The following CSMD3 variants were observed in gnomAD, a reference collection of about 807,000 sequenced individuals.
CSMD3 encodes CUB and Sushi multiple domains 3.
CSMD3 carries 177 observed loss-of-function variants against 435.2 expected under a neutral mutation model. The observed-to-expected ratio is 0.41, with a 90% CI of 0.36 to 0.46. The LOEUF is 0.46. Ranked by LOEUF, CSMD3 falls within the 20% of genes least tolerant of loss-of-function variation. CSMD3 has a pLI of 0.34. For synonymous variants in CSMD3, 1,656 were observed against 1,520.5 expected, an observed-to-expected ratio of 1.09 and a Z score of -2.07; for missense variants, 4,265 against 4,504.6, an observed-to-expected ratio of 0.95 and a Z score of 1.52.
At chr8:113,325,513 A>G (rs750547494) in intron 1 of CSMD3, among the ~76,000 whole-genome samples, 3 of 152,078 alleles carry the variant, frequency 2.0e-5, no homozygotes, top group Non-Finnish European at 4.4e-5. Context: ...AGCCATGTGA[A>G]ACTGTAGTTC....
intron 28 of CSMD3, among the ~76,000 whole-genome samples, chr8:112,513,568 A>G (rs919415439): frequency 1.3e-5 from 2 of 152,166 alleles, no homozygotes; most frequent in Non-Finnish European, 2.9e-5. Flanking sequence ...TAGCAATGAA[A>G]AAGTTTGAAA....
At chr8:112,916,919 G>GT (rs1307907433) in intron 10 of CSMD3, among the ~76,000 whole-genome samples, 3 of 151,970 alleles carry the variant, frequency 2.0e-5, no homozygotes, top group African/African-American at 7.2e-5. Flanking sequence ...GAGGGAATTT[G>GT]TAACATATGT....
At chr8:112,479,103 A>G (rs1205067262) in intron 31 of CSMD3, among the ~76,000 whole-genome samples, 1 of 152,184 alleles carries the variant, frequency 6.6e-6, no homozygotes, top group Non-Finnish European at 1.5e-5. Context: ...GGGAACTACC[A>G]ACTGCGAGTA....
intron 67 of CSMD3, among the ~76,000 whole-genome samples, chr8:112,235,595 T>C (rs1435803627): frequency 6.6e-6 from 1 of 152,018 alleles, no homozygotes; most frequent in Non-Finnish European, 1.5e-5. Flanking sequence ...AAAAATTGTT[T>C]AGGGAAATAA....
At chr8:112,454,352 A>T (rs186067516) in intron 32 of CSMD3, among the ~76,000 whole-genome samples, 123 of 152,252 alleles carry the variant, frequency 8.1e-4, no homozygotes, top group Non-Finnish European at 1.6e-3. Context: ...AAAAATATTC[A>T]CAAACCGTGC....
At chr8:113,061,420 G>C (rs1564268056) in intron 5 of CSMD3, among the ~76,000 whole-genome samples, 1 of 152,028 alleles carries the variant, frequency 6.6e-6, no homozygotes, top group African/African-American at 2.4e-5. Flanking sequence ...AGGAAGTTAA[G>C]CTCCTATGAG....
chr8:113,249,891 A>G (rs2093318639), intron 3 of CSMD3, among the ~76,000 whole-genome samples: 1 of 152,072 alleles, frequency 6.6e-6, no homozygotes, highest in Non-Finnish European at 1.5e-5. Context: ...TGGACTGATG[A>G]CCAACTGGGG....
At chr8:112,688,068 C>G (rs2076050883) in intron 14 of CSMD3, among the ~76,000 whole-genome samples, 1 of 152,068 alleles carries the variant, frequency 6.6e-6, no homozygotes, top group Non-Finnish European at 1.5e-5. Flanking sequence ...TTTAATTCTG[C>G]AATTGTAGCT....
At chr8:112,313,668 C>T (rs1262314083) in intron 49 of CSMD3, among the ~76,000 whole-genome samples, 1 of 151,756 alleles carries the variant, frequency 6.6e-6, no homozygotes, top group Non-Finnish European at 1.5e-5. Context: ...TTATAACTGA[C>T]ATATAAGTCA....
chr8:112,339,924 T>C (rs1468903967), intron 42 of CSMD3, among the ~76,000 whole-genome samples: 1 of 152,196 alleles, frequency 6.6e-6, no homozygotes, highest in East Asian at 1.9e-4. Context: ...CTCCTGTTAA[T>C]AATACGTCAG....
chr8:112,873,437 TTG>T (rs1465208038), intron 10 of CSMD3, among the ~76,000 whole-genome samples: 1 of 152,040 alleles, frequency 6.6e-6, no homozygotes, highest in Non-Finnish European at 1.5e-5. Flanking sequence ...ATCAGAAATA[TTG>T]TCTTTTATTT....
intron 32 of CSMD3, among the ~76,000 whole-genome samples, chr8:112,425,621 T>C (rs1007000644): frequency 2.6e-5 from 4 of 152,332 alleles, no homozygotes; most frequent in Admixed American, 2.0e-4. Context: ...CTTGAATTAA[T>C]AGCTACTCAC....
intron 32 of CSMD3, among the ~76,000 whole-genome samples, chr8:112,436,485 C>T (rs569455912): frequency 2.0e-5 from 3 of 151,830 alleles, no homozygotes; most frequent in African/African-American, 7.2e-5. Flanking sequence ...GTACTATATA[C>T]TACATCCTAT....
intron 58 of CSMD3, among the ~76,000 whole-genome samples, chr8:112,282,210 G>A (rs1818720696): frequency 6.6e-6 from 1 of 151,408 alleles, no homozygotes; most frequent in Non-Finnish European, 1.5e-5. Flanking sequence ...ATTTCTTTTT[G>A]CCTATCATTT....
chr8:112,404,564 A>G (rs1439727772), intron 35 of CSMD3, among the ~76,000 whole-genome samples: 2 of 152,110 alleles, frequency 1.3e-5, no homozygotes, highest in Admixed American at 1.3e-4. Context: ...ATGCATATCA[A>G]CAGATTTATC....
At chr8:112,529,211 C>G (rs1446040251) in intron 27 of CSMD3, among the ~76,000 whole-genome samples, 1 of 152,166 alleles carries the variant, frequency 6.6e-6, no homozygotes, top group Non-Finnish European at 1.5e-5. Flanking sequence ...AGAACTCTAA[C>G]TGGTCTGCCA....
intron 16 of CSMD3, among the ~76,000 whole-genome samples, chr8:112,666,705 C>T (rs2075534445): frequency 6.6e-6 from 1 of 152,074 alleles, no homozygotes; most frequent in Non-Finnish European, 1.5e-5. Context: ...CTTGTCTCTC[C>T]ATCGTCATCT....
At chr8:112,775,089 A>G (rs1201787788) in intron 13 of CSMD3, among the ~76,000 whole-genome samples, 1 of 151,548 alleles carries the variant, frequency 6.6e-6, no homozygotes, top group African/African-American at 2.4e-5. Context: ...ACCTGATATC[A>G]CCTCTCATCT....
At chr8:112,952,569 T>C (rs919828110) in intron 8 of CSMD3, among the ~76,000 whole-genome samples, 11 of 151,680 alleles carry the variant, frequency 7.3e-5, no homozygotes, top group African/African-American at 2.4e-4. Context: ...CATGAAAGAA[T>C]ATGTTTTTGA....
Sources: gnomAD v4.1 joint callset for allele counts (sites outside exome capture counted in the v4.1 genomes callset) on GRCh38, gnomAD v4.1.1 for gene constraint, MANE v1.5 for transcripts, NCBI Gene and HGNC (gene_info 2026-07-23, HGNC 2026-07-21) for gene names.